The following VRK1 variants were observed in gnomAD, a reference collection of about 807,000 sequenced individuals.
The protein encoded by VRK1 is serine/threonine-protein kinase VRK1.
In VRK1, 33 loss-of-function variants were observed where a neutral mutation model predicts 57.1. That is an observed-to-expected ratio of 0.58 (90% CI 0.44 to 0.77). The LOEUF is 0.77. Among genes scored for constraint, VRK1 ranks in the 30% least tolerant of loss-of-function variants. The pLI is 0.00. For synonymous variants in VRK1, 137 were observed against 147.8 expected, an observed-to-expected ratio of 0.93 and a Z score of 0.53; for missense variants, 413 against 477.3, an observed-to-expected ratio of 0.87 and a Z score of 1.25.
chr14:96,807,696 A>G (rs1432953178), intron 1 of VRK1, among the ~76,000 whole-genome samples: 1 of 152,114 alleles, frequency 6.6e-6, no homozygotes, highest in Non-Finnish European at 1.5e-5. Flanking sequence ...GCATCTATCT[A>G]AGCTATGTCT....
intron 11 of VRK1, among the ~76,000 whole-genome samples, chr14:96,862,685 C>T (rs1245369548): frequency 6.6e-6 from 1 of 151,946 alleles, no homozygotes; most frequent in Non-Finnish European, 1.5e-5. Flanking sequence ...GAAAAGCTTT[C>T]TCCTTTGAGA....
chr14:96,859,698 A>G (rs1319566770), intron 10 of VRK1, among the ~76,000 whole-genome samples: 2 of 152,022 alleles, frequency 1.3e-5, no homozygotes, highest in Non-Finnish European at 2.9e-5. Flanking sequence ...GATCTCTTGA[A>G]GGACTGGTGT....
At chr14:96,829,135 A>T (rs1466039084) in intron 1 of VRK1, among the ~76,000 whole-genome samples, 1 of 152,224 alleles carries the variant, frequency 6.6e-6, no homozygotes, top group Non-Finnish European at 1.5e-5. Flanking sequence ...ATTCAAAAGA[A>T]AAATGAGCCG....
intron 1 of VRK1, among the ~76,000 whole-genome samples, chr14:96,829,475 GTTTA>G (rs967407359): frequency 6.6e-6 from 1 of 152,078 alleles, no homozygotes; most frequent in African/African-American, 2.4e-5. Context: ...CTGTGTATGT[GTTTA>G]TTTTAAAGAT....
intron 11 of VRK1, among the ~76,000 whole-genome samples, chr14:96,865,604 C>G (rs866677169): frequency 2.6e-5 from 4 of 152,140 alleles, no homozygotes; most frequent in African/African-American, 9.7e-5. Context: ...TAGAGCAATT[C>G]GGAAAGAACT....
chr14:96,808,014 C>CGT (rs1885962752), intron 1 of VRK1, among the ~76,000 whole-genome samples: 4 of 73,958 alleles, frequency 5.4e-5, no homozygotes, highest in Admixed American at 1.6e-4. Context: ...TCTCTCTCTC[C>CGT]CTCTGTGTGT....
chr14:96,860,731 C>T lies in VRK1; in HGVS notation c.1064C>T (p.Thr355Ile). The T allele has an allele frequency of 1.2e-6, 2 of 1,612,056 alleles. No homozygotes were observed. Among genetic ancestry groups the T allele is most frequent in the Non-Finnish European group, 1.7e-6 (2 of 1,179,014 alleles). The change falls in exon 11 of 13, where the codon ACA becomes ATA. Residue 355 changes from threonine to isoleucine, a missense_variant. Coordinates refer to ENST00000216639, the MANE Select transcript of VRK1 (RefSeq NM_003384.3). ...ENGGLKAKTI[T>I]KKRKKEIEES... ...GGAGGTTTGAAAGCAAAAACAATAA[C>T]AAAGGTGAATTTTGTTATTAAATTA...
chr14:96,867,445 A>G (rs973928419), intron 11 of VRK1, among the ~76,000 whole-genome samples: 8 of 143,998 alleles, frequency 5.6e-5, no homozygotes, highest in Admixed American at 5.0e-4. Flanking sequence ...TTCTGCAGAT[A>G]TCTGTGCACA....
At chr14:96,873,009 A>G (rs1178039029) in intron 11 of VRK1, among the ~76,000 whole-genome samples, 1 of 152,156 alleles carries the variant, frequency 6.6e-6, no homozygotes, top group African/African-American at 2.4e-5. Context: ...TAAAACTTCT[A>G]GGCTGTATAT....
intron 11 of VRK1, among the ~76,000 whole-genome samples, chr14:96,873,152 A>C (rs371651004): frequency 6.6e-6 from 1 of 152,316 alleles, no homozygotes; most frequent in Non-Finnish European, 1.5e-5. Context: ...TGTTGAAAGC[A>C]TCTAGAGGTG....
At chr14:96,858,354 A>C (rs1485011224) in intron 10 of VRK1, among the ~76,000 whole-genome samples, 1 of 152,168 alleles carries the variant, frequency 6.6e-6, no homozygotes, top group Admixed American at 6.5e-5. Context: ...TCAGCCTCCC[A>C]AAGTGTTGGG....
chr14:96,846,208 A>G (rs772164937), intron 4 of VRK1, 44 bp downstream of exon 4: 5 of 1,593,104 alleles, frequency 3.1e-6, no homozygotes, highest in East Asian at 2.2e-5. Context: ...TAAAATGACC[A>G]GTTTTTTGTT....
At chr14:96,851,428 A>G (rs539284916) in intron 5 of VRK1, among the ~76,000 whole-genome samples, 32 of 152,298 alleles carry the variant, frequency 2.1e-4, no homozygotes, top group African/African-American at 5.1e-4. Context: ...GGCGTGAACT[A>G]CCAGGCCCGG....
intron 8 of VRK1, 89 bp from the exon 9 acceptor site, chr14:96,856,040 AC>A: frequency 2.1e-6 from 3 of 1,453,794 alleles, no homozygotes; most frequent in Admixed American, 1.8e-5. Flanking sequence ...TGTGGAGTTG[AC>A]TTGTTTTATG....
intron 11 of VRK1, among the ~76,000 whole-genome samples, chr14:96,870,446 G>A (rs1201068212): frequency 2.6e-5 from 4 of 152,128 alleles, no homozygotes; most frequent in Non-Finnish European, 5.9e-5. Flanking sequence ...GGAACCCTCA[G>A]AGGAAAACAT....
At chr14:96,863,388 G>A (rs1213497169) in intron 11 of VRK1, among the ~76,000 whole-genome samples, 1 of 152,124 alleles carries the variant, frequency 6.6e-6, no homozygotes, top group Non-Finnish European at 1.5e-5. Flanking sequence ...CTAGGGCTAC[G>A]GAGATCAATG....
rs765524849 is a variant in VRK1, at chr14:96,833,515, C to T, written c.44C>T (p.Ala15Val). Residue 15 changes from alanine to valine, a missense_variant, in exon 2 of 13, where the codon GCA (alanine) becomes GTA (valine). By Grantham distance (64) the Ala-to-Val change is moderately conservative. Coordinates refer to ENST00000216639, the MANE Select transcript of VRK1 (RefSeq NM_003384.3). ...GCTCAAGCTGGAAGACAGAGCTCTG[C>T]AAAGAGACATCTTGCAGAACAATTT... Reference protein sequence around the residue: ...KAAQAGRQSSAKRHLAEQFAV... With the variant: ...KAAQAGRQSSVKRHLAEQFAV... The T allele has an allele frequency of 1.9e-6, 3 of 1,613,572 alleles. No homozygotes were observed. Among genetic ancestry groups the T allele is most frequent in the African/African-American group, 1.3e-5 (1 of 74,832 alleles).
chr14:96,808,698 T>C (rs1886022114), intron 1 of VRK1, among the ~76,000 whole-genome samples: 1 of 151,826 alleles, frequency 6.6e-6, no homozygotes, highest in Non-Finnish European at 1.5e-5. Flanking sequence ...TTACTCGATG[T>C]TGTGTCTGAG....
At chr14:96,841,166 T>G (rs1238887566) in intron 3 of VRK1, among the ~76,000 whole-genome samples, 2 of 152,138 alleles carry the variant, frequency 1.3e-5, no homozygotes, top group African/African-American at 4.8e-5. Context: ...CCTCTGAACT[T>G]AAGTTGTATT....
Sources: gnomAD v4.1 joint callset for allele counts (sites outside exome capture counted in the v4.1 genomes callset) on GRCh38, gnomAD v4.1.1 for gene constraint, MANE v1.5 for transcripts, NCBI Gene and HGNC (gene_info 2026-07-23, HGNC 2026-07-21) for gene names.